The following CLYBL variants were observed in gnomAD, a reference collection of about 807,000 sequenced individuals.
The protein encoded by CLYBL is citramalyl-CoA lyase, mitochondrial.
Under a neutral mutation model 38.9 loss-of-function variants are expected in CLYBL, and 31 were observed. The ratio of observed to expected loss-of-function variants is 0.80; its 90% CI spans 0.60 to 1.08. CLYBL has a LOEUF of 1.08. Ranked by LOEUF, CLYBL falls within the 50% of genes least tolerant of loss-of-function variation. CLYBL has a pLI of 0.00. For synonymous variants in CLYBL, 171 were observed against 158.6 expected, an observed-to-expected ratio of 1.08 and a Z score of -0.59; for missense variants, 434 against 411.6, an observed-to-expected ratio of 1.05 and a Z score of -0.47.
chr13:99,899,515 G>C (rs111789227), downstream of CLYBL, among the ~76,000 whole-genome samples: 6 of 152,248 alleles, frequency 3.9e-5, no homozygotes, highest in African/African-American at 1.4e-4. Context: ...TGTCAGGGTT[G>C]GGGGTGGGGC....
chr13:99,847,358 CT>C (rs1431498555), intron 2 of CLYBL, among the ~76,000 whole-genome samples: 2 of 152,164 alleles, frequency 1.3e-5, no homozygotes, highest in Non-Finnish European at 2.9e-5. Context: ...TGCTTGTTTA[CT>C]TTTATTCTCC....
At chr13:99,645,998 A>G (rs1305750068) in intron 1 of CLYBL, among the ~76,000 whole-genome samples, 1 of 152,140 alleles carries the variant, frequency 6.6e-6, no homozygotes, top group Non-Finnish European at 1.5e-5. Context: ...AAATTCCCTA[A>G]TTTAAACTTA....
chr13:99,710,998 A>G (rs1024259619), intron 1 of CLYBL, among the ~76,000 whole-genome samples: 3 of 145,870 alleles, frequency 2.1e-5, no homozygotes, highest in Admixed American at 7.2e-5. Context: ...AGTGATTATC[A>G]TGCCTCAGCC....
intron 1 of CLYBL, among the ~76,000 whole-genome samples, chr13:99,626,275 G>A (rs534567032): frequency 6.6e-6 from 1 of 152,354 alleles, no homozygotes; most frequent in South Asian, 2.1e-4. Flanking sequence ...CGGTAGGGGA[G>A]TTATGAGCAG....
rs571367177 is a variant in CLYBL, at chr13:99,884,691, C to G, written c.928-6627C>G. ...GTAAGTCCCTGGGCCTGTGGCACGCCAGGTATGCAGTAGGCTCTGCATCCA... is the reference window on the plus strand; with the variant it reads ...GTAAGTCCCTGGGCCTGTGGCACGCGAGGTATGCAGTAGGCTCTGCATCCA... On this transcript the variant is annotated intron_variant, in intron 7 of 8. Coordinates refer to ENST00000339105, the MANE Select transcript of CLYBL (RefSeq NM_206808.5). 2.0e-3 allele frequency among the ~76,000 whole-genome samples: 303 copies of G among 152,308 alleles called. 3 individuals are homozygous for G. The highest frequency in any genetic ancestry group is 6.6e-3 in the African/African-American group (275 of 41,578).
intron 2 of CLYBL, among the ~76,000 whole-genome samples, chr13:99,779,730 A>T (rs952832971): frequency 2.0e-5 from 3 of 152,156 alleles, no homozygotes; most frequent in Non-Finnish European, 4.4e-5. Context: ...CACAAACCAT[A>T]GCTTGAGTAG....
intron 7 of CLYBL, chr13:99,877,525 T>C: frequency 2.8e-6 from 1 of 353,602 alleles, no homozygotes; most frequent in Admixed American, 3.9e-5. Context: ...GAGCATTCTT[T>C]TATTTATTTA....
At chr13:99,903,832 A>T (rs1278684205) in intron 8 of CLYBL, among the ~76,000 whole-genome samples, 1 of 152,202 alleles carries the variant, frequency 6.6e-6, no homozygotes, top group Non-Finnish European at 1.5e-5. Context: ...TTAAAAATTT[A>T]AATTACAGTC....
At chr13:99,785,600 A>T (rs1250471125) in intron 2 of CLYBL, among the ~76,000 whole-genome samples, 1 of 128,396 alleles carries the variant, frequency 7.8e-6, no homozygotes, top group Non-Finnish European at 1.7e-5. Context: ...TCTAAATAAT[A>T]CATTTTTTTT....
At position 99,860,994 on chromosome 13, in the gene CLYBL, T is replaced by C. The variant is rs557988089; in HGVS notation, c.438+1945T>C. Among the ~76,000 whole-genome samples the C allele has an allele frequency of 7.9e-5, 12 of 152,328 alleles. 1 individual carries two copies. In the East Asian group the frequency reaches 2.3e-3, roughly 29 times the overall value. On this transcript the variant is annotated intron_variant, in intron 3 of 8. Coordinates refer to ENST00000339105, the MANE Select transcript of CLYBL (RefSeq NM_206808.5). ...CAGTGTGCATTCTTCCAACACACTA[T>C]TGGGTGTGCACTGGAATTGAAAGAA...
chr13:99,620,840 A>G (rs9513644), intron 1 of CLYBL, among the ~76,000 whole-genome samples: 3 of 64,102 alleles, frequency 4.7e-5, no homozygotes, highest in African/African-American at 9.6e-5. Flanking sequence ...AAGAAAGAAA[A>G]AGAAAGAAAG....
At chr13:99,653,475 T>A (rs1409709318) in intron 1 of CLYBL, among the ~76,000 whole-genome samples, 1 of 152,214 alleles carries the variant, frequency 6.6e-6, no homozygotes, top group Non-Finnish European at 1.5e-5. Flanking sequence ...CAGGGGTCTC[T>A]GCCTCCCTCT....
chr13:99,704,434 C>G (rs2048116036), intron 1 of CLYBL, among the ~76,000 whole-genome samples: 1 of 152,128 alleles, frequency 6.6e-6, no homozygotes, highest in Admixed American at 6.6e-5. Context: ...AGCCCAGTTG[C>G]CATAGGTTGA....
At chr13:99,636,776 A>G (rs774708397) in intron 1 of CLYBL, among the ~76,000 whole-genome samples, 42 of 152,190 alleles carry the variant, frequency 2.8e-4, no homozygotes, top group Non-Finnish European at 5.3e-4. Flanking sequence ...AGGGGTAAGT[A>G]GGAAAAATTA....
rs79545414 is a variant in CLYBL, at chr13:99,793,035, C to A, written c.249+20025C>A. On this transcript the variant is annotated intron_variant, in intron 2 of 8. Transcript: ENST00000339105. ...TTCTTGTGCACATGTGCATACATAACACACACACACACACACACACACACA... is the reference window on the plus strand; with the variant it reads ...TTCTTGTGCACATGTGCATACATAAAACACACACACACACACACACACACA... Among the ~76,000 whole-genome samples the A allele has an allele frequency of 8.3e-3, 385 of 46,296 alleles. 3 individuals are homozygous for A. Among genetic ancestry groups the A allele is most frequent in the East Asian group, 0.04 (125 of 3,156 alleles). The allele number at this position is 46,296 out of a possible 152,430, so 30.4% of individuals were successfully genotyped here. A position where few individuals can be genotyped will look rare whatever the true frequency, so the allele number is the denominator to read the frequency against.
At chr13:99,787,376 G>A (rs2049819166) in intron 2 of CLYBL, among the ~76,000 whole-genome samples, 1 of 152,014 alleles carries the variant, frequency 6.6e-6, no homozygotes, top group African/African-American at 2.4e-5. Flanking sequence ...TAATTTTTGT[G>A]TAAGGTATAA....
chr13:99,649,594 T>G lies in CLYBL; in HGVS notation c.62+42837T>G, dbSNP rs987922588. ...AATGTTCTATGAGTCCACCAGGCGCTGTGGCTCACGCCTGTAATCCCAGCA... is the reference window on the plus strand; with the variant it reads ...AATGTTCTATGAGTCCACCAGGCGCGGTGGCTCACGCCTGTAATCCCAGCA... On this transcript the variant is annotated intron_variant, in intron 1 of 8. Coordinates refer to ENST00000339105, the MANE Select transcript of CLYBL (RefSeq NM_206808.5). Among the ~76,000 whole-genome samples, 3 of 152,218 alleles carry G rather than the reference T, an allele frequency of 2.0e-5. No individual in the cohort carries two copies. In the East Asian group the frequency reaches 5.8e-4, roughly 29 times the overall value.
intron 2 of CLYBL, among the ~76,000 whole-genome samples, chr13:99,791,717 A>T (rs748933047): frequency 6.6e-6 from 1 of 152,226 alleles, no homozygotes; most frequent in Non-Finnish European, 1.5e-5. Context: ...TATAAGTGCT[A>T]TGTGAGCATT....
chr13:99,849,298 G>A lies in CLYBL; in HGVS notation c.250-9563G>A, dbSNP rs1056811627. ...AGGCCGTGGTGGGAGGATTGCTTGA[G>A]CCCAGGAGTTTAAGACCAGCCTGGG... On this transcript the variant is annotated intron_variant, in intron 2 of 8. Transcript: ENST00000339105. This position sits in a 1 kb window ranked among gnomAD's most constrained non-coding sequence, Gnocchi z 4.9. Among the ~76,000 whole-genome samples, 3 of 152,120 alleles carry A rather than the reference G, an allele frequency of 2.0e-5. No individual in the cohort carries two copies. Among genetic ancestry groups the A allele is most frequent in the African/African-American group, 7.2e-5 (3 of 41,424 alleles).
Sources: allele counts gnomAD v4.1 joint callset (sites outside exome capture counted in the v4.1 genomes callset), GRCh38; gene constraint gnomAD v4.1.1; non-coding constraint Gnocchi (gnomAD v3.1); transcripts MANE v1.5; gene names NCBI Gene and HGNC (gene_info 2026-07-23, HGNC 2026-07-21).